Variants in RPS23 observed in about 807,000 individuals in gnomAD.
RPS23 encodes small ribosomal subunit protein uS12.
For missense variants in RPS23, 73 were observed against 174.5 expected (o/e 0.42, Z 3.28); for synonymous variants, 66 against 60.4 (o/e 1.09, Z -0.43).
intron 2 of RPS23, chr5:82,276,779 C>G: frequency 2.1e-6 from 1 of 471,504 alleles, no homozygotes; most frequent in Non-Finnish European, 3.8e-6. Context: ...ACTTGCGAGG[C>G]TGACGTGGGA....
rs769328284 is a variant in RPS23 at position 82,278,330 on chromosome 5, G to C, written c.-7C>G. 5.0e-6 allele frequency: 8 copies of C among 1,609,396 alleles called. No individual in the cohort carries two copies. In the East Asian group the frequency reaches 1.6e-4, roughly 32 times the overall value. ...GCCACAACAGCTCACCCATCCTGTC[G>C]GCGCCACGGGCCTGAGCGAAAGAGA... On this transcript the variant is annotated 5_prime_UTR_variant, in exon 1 of 4. Transcript: ENST00000296674.
chr5:82,277,460 T>G, intron 2 of RPS23: 4 of 543,104 alleles, frequency 7.4e-6, no homozygotes, highest in Non-Finnish European at 1.3e-5. Flanking sequence ...TCATTGCTAG[T>G]ATCTTCTCCA....
At position 82,278,303 on chromosome 5, in the gene RPS23, C is replaced by A. The variant is rs1377862828; in HGVS notation, c.4+17G>T. The A allele has an allele frequency of 1.2e-6, 2 of 1,609,504 alleles. No homozygotes were observed. Among genetic ancestry groups the A allele is most frequent in the African/African-American group, 2.7e-5 (2 of 74,726 alleles). On this transcript the variant is annotated intron_variant, in intron 1 of 3. Coordinates refer to ENST00000296674, the MANE Select transcript of RPS23 (RefSeq NM_001025.5). The stretch of plus-strand genomic sequence containing the variant: ...AGTCCCGCTTGCAGCGCCCTTAAAC[C>A]GGCCACAACAGCTCACCCATCCTGT...
At position 82,276,536 on chromosome 5, in the gene RPS23, C is replaced by T. The variant is rs771123790; in HGVS notation, c.165-18G>A. 1.2e-6 allele frequency: 2 copies of T among 1,613,706 alleles called. No homozygotes were observed. The highest frequency in any genetic ancestry group is 1.7e-5 in the Admixed American group (1 of 60,002). On this transcript the variant is annotated intron_variant, in intron 2 of 3. Transcript: ENST00000296674. ...CAACTCCTCTGAAATACAAAAGGCA[C>T]AGCACTGTGAGCTGGCTTTCTGAAA... is the stretch of plus-strand genomic sequence containing the variant.
intron 3 of RPS23, 67 bp downstream of exon 3, chr5:82,276,331 G>C: frequency 6.2e-7 from 1 of 1,611,548 alleles, no homozygotes; most frequent in Non-Finnish European, 8.5e-7. Context: ...AAACTCCCTT[G>C]CATCAGATAA....
At position 82,276,845 on chromosome 5, in the gene RPS23, C is replaced by CA. The variant is rs374894611; in HGVS notation, c.165-328dup. On this transcript the variant is annotated intron_variant, in intron 2 of 3. Transcript: ENST00000296674. Reference sequence around the variant, plus strand: ...GCCTGTGTGACAAGGGACCCTATCTCAAAAAAAAAAAAAGAAAAAAGAAAA... The same window carrying CA: ...GCCTGTGTGACAAGGGACCCTATCTCAAAAAAAAAAAAAAGAAAAAAGAAAA... 1.4e-3 allele frequency: 183 copies of CA among 134,082 alleles called. 3 individuals carry two copies. Among genetic ancestry groups the CA allele is most frequent in the South Asian group, 2.5e-3 (10 of 4,066 alleles). 8.3% of individuals were successfully genotyped at this position (134,082 alleles called of 1,614,324 possible). A position where few individuals can be genotyped will look rare whatever the true frequency, so the allele number is the denominator to read the frequency against.
At position 82,276,222 on chromosome 5, in the gene RPS23, G is replaced by A. The variant is rs1007741926; in HGVS notation, c.319C>T (p.Arg107Cys). ...NDEVLVAGFG[R>C]KGHAVGDIPG... Reference sequence around the variant, plus strand: ...ATATCACCAACAGCATGACCTTTGCGACCAAATCCAGCAACCAGAACTTCA... The same window carrying A: ...ATATCACCAACAGCATGACCTTTGCAACCAAATCCAGCAACCAGAACTTCA... Residue 107 changes from arginine (R) to cysteine (C), a missense_variant, in exon 4 of 4, where the codon CGC becomes TGC. Arg to Cys is a radical substitution (Grantham distance 180, BLOSUM62 -3). Coordinates refer to ENST00000296674, the MANE Select transcript of RPS23 (RefSeq NM_001025.5). 1.2e-6 allele frequency: 2 copies of A among 1,612,994 alleles called. No homozygotes were observed. The highest frequency in any genetic ancestry group is 1.7e-6 in the Non-Finnish European group (2 of 1,179,702).
intron 2 of RPS23, among the ~76,000 whole-genome samples, chr5:82,277,011 C>T (rs142142271): frequency 6.6e-6 from 1 of 151,360 alleles, no homozygotes; most frequent in Non-Finnish European, 1.5e-5. Context: ...ATGGTGAAAC[C>T]CCATCACTAC....
rs917959920 is a variant in RPS23, at chr5:82,277,981, G to A, written c.5-129C>T. On this transcript the variant is annotated intron_variant, in intron 1 of 3. Coordinates refer to ENST00000296674, the MANE Select transcript of RPS23 (RefSeq NM_001025.5). ...GCTCTCGTACTATTTATTGGCCTGT[G>A]GGCCAAACATTTGGCCTTCAAGTTG... 2.1e-5 allele frequency: 18 copies of A among 860,024 alleles called. No homozygotes were observed. In the East Asian group the frequency reaches 3.4e-4, roughly 16 times the overall value. 53.3% of individuals were successfully genotyped at this position (860,024 alleles called of 1,614,324 possible).
chr5:82,275,022 A>G lies in RPS23; in HGVS notation c.*1087T>C, dbSNP rs1747742264. 3.5e-6 allele frequency: 2 copies of G among 566,654 alleles called. No individual in the cohort carries two copies. Among genetic ancestry groups the G allele is most frequent in the Non-Finnish European group, 6.3e-6 (2 of 318,186 alleles). The allele number at this position is 566,654 out of a possible 1,614,324, so 35.1% of individuals were successfully genotyped here. ...CAGTGTTGCTGGAGCACAAAGTGCC[A>G]AGGAGAGAAATGGCAGGCTAAGGCT... On this transcript the variant is annotated 3_prime_UTR_variant, in exon 4 of 4. Transcript: ENST00000296674.
At chr5:82,277,979 G>A (rs371248899) in intron 1 of RPS23, 127 bp from the exon 2 acceptor site, 14 of 875,566 alleles carry the variant, frequency 1.6e-5, no homozygotes, top group African/African-American at 1.7e-5. Flanking sequence ...TTATTGGCCT[G>A]TGGGCCAAAC....
In RPS23 at chr5:82,275,957, A is replaced by C. The variant is rs1011465615; in HGVS notation, c.*152T>G. 2.4e-5 allele frequency: 16 copies of C among 670,384 alleles called. No individual in the cohort carries two copies. Among genetic ancestry groups the C allele is most frequent in the Non-Finnish European group, 3.8e-5 (15 of 390,884 alleles). The allele number at this position is 670,384 out of a possible 1,614,324, so 41.5% of individuals were successfully genotyped here. On this transcript the variant is annotated 3_prime_UTR_variant, in exon 4 of 4. Coordinates refer to ENST00000296674, the MANE Select transcript of RPS23 (RefSeq NM_001025.5). ...TCTTATTGTCTCCTAAAATTGGTAC[A>C]GGTCCTGCGTTTGCTGGTTTAGGAT...
At position 82,275,104 on chromosome 5, in the gene RPS23, G is replaced by A. The variant is rs1747743610; in HGVS notation, c.*1005C>T. On this transcript the variant is annotated 3_prime_UTR_variant, in exon 4 of 4. Transcript: ENST00000296674. ...TCTTCTGTGCCATGTGAAAGGTTCT[G>A]CTCTTGATCCTACGGAAAGTGGGCA... is the stretch of plus-strand genomic sequence containing the variant. The A allele has an allele frequency of 1.5e-6, 1 of 650,986 alleles. No homozygotes were observed. The highest frequency in any genetic ancestry group is 2.8e-6 in the Non-Finnish European group (1 of 359,856). 40.3% of individuals were successfully genotyped at this position (650,986 alleles called of 1,614,324 possible).
At chr5:82,278,075 G>A (rs1747981324) in intron 1 of RPS23, 1 of 659,296 alleles carries the variant, frequency 1.5e-6, no homozygotes. Context: ...ACGAGGCCCC[G>A]CTCGAATGCC....
At chr5:82,278,215 G>A in intron 1 of RPS23, 105 bp downstream of exon 1, 1 of 1,069,068 alleles carries the variant, frequency 9.4e-7, no homozygotes, top group Non-Finnish European at 1.4e-6. Context: ...CCCCCATGGA[G>A]CCTCTCCATG....
chr5:82,275,430 T>A lies in RPS23; in HGVS notation c.*679A>T. On this transcript the variant is annotated 3_prime_UTR_variant, in exon 4 of 4. Transcript: ENST00000296674. ...TAGTCTTTGAAGACATGAAGGTCTC[T>A]GACAACCTCATGAGAAGATACTGAA... The A allele has an allele frequency of 1.6e-6, 1 of 623,746 alleles. No individual in the cohort carries two copies. Among genetic ancestry groups the A allele is most frequent in the Admixed American group, 2.5e-5 (1 of 40,720 alleles). 38.6% of individuals were successfully genotyped at this position (623,746 alleles called of 1,614,324 possible). A position where few individuals can be genotyped will look rare whatever the true frequency, so the allele number is the denominator to read the frequency against.
At chr5:82,276,672 C>T (rs1747786805) in intron 2 of RPS23, 154 bp from the exon 3 acceptor site, 2 of 898,098 alleles carry the variant, frequency 2.2e-6, no homozygotes, top group Admixed American at 2.8e-5. Flanking sequence ...TAGTTTTCTG[C>T]CAGTCTTAAT....
intron 1 of RPS23, 45 bp downstream of exon 1, chr5:82,278,275 C>G: frequency 6.2e-7 from 1 of 1,603,194 alleles, no homozygotes; most frequent in Non-Finnish European, 8.5e-7. Context: ...CCCCAAGACC[C>G]CAAGTCCCGC....
intron 1 of RPS23, chr5:82,278,092 G>A (rs1028816741): frequency 9.0e-6 from 6 of 669,154 alleles, no homozygotes; most frequent in Admixed American, 3.0e-5. Context: ...TGCCCGGGAG[G>A]AAGCGCTGGC....
Sources: allele counts gnomAD v4.1 joint callset (sites outside exome capture counted in the v4.1 genomes callset), GRCh38; gene constraint gnomAD v4.1.1; transcripts MANE v1.5; gene names NCBI Gene and HGNC (gene_info 2026-07-23, HGNC 2026-07-21).